HMCN1: variants seen among roughly 807,000 people sequenced by gnomAD.
The protein encoded by HMCN1 is hemicentin-1.
Under a neutral mutation model 625.9 loss-of-function variants are expected in HMCN1, and 321 were observed. That is an observed-to-expected ratio of 0.51 (90% confidence interval 0.47 to 0.56). The LOEUF (loss-of-function observed/expected upper bound fraction) is 0.56, where lower values mean the gene tolerates loss of function less well. Among genes scored for constraint, HMCN1 ranks in the 20% least tolerant of loss-of-function variants. The pLI, the probability that HMCN1 is intolerant of heterozygous loss-of-function variation, is 0.00. For synonymous variants in HMCN1, 2,425 were observed against 2,417.6 expected (o/e 1.00, Z -0.09); for missense variants, 6,588 against 6,887.3 (o/e 0.96, Z 1.54).
chr1:186,085,531 C>T lies in HMCN1; in HGVS notation c.8885-715C>T, dbSNP rs960127047. Among the ~76,000 whole-genome samples the T allele has an allele frequency of 3.3e-5, 5 of 152,074 alleles. No individual in the cohort carries two copies. The East Asian group carries it at 9.7e-4, about 29-fold the overall frequency. ...TTAAAGGCCTCATCTTCAAATACAG[C>T]CACACTGGGACTTAGGGCTTCAACA... On this transcript the variant is annotated intron_variant, in intron 57 of 106. Coordinates refer to ENST00000271588, the MANE Select transcript of HMCN1 (RefSeq NM_031935.3).
At chr1:186,088,393 A>G in intron 62 of HMCN1, 117 bp downstream of exon 62, 2 of 1,504,534 alleles carry the variant, frequency 1.3e-6, no homozygotes, top group South Asian at 1.1e-5. Flanking sequence ...TTAGTTCAAG[A>G]AGGCTAACGC....
intron 102 of HMCN1, 115 bp downstream of exon 102, chr1:186,172,246 T>C: frequency 7.0e-7 from 1 of 1,434,926 alleles, no homozygotes; most frequent in Non-Finnish European, 9.8e-7. Flanking sequence ...GAAATCTTTC[T>C]TTTTCCATAA....
At chr1:186,022,938 T>C (rs1476318113) in intron 35 of HMCN1, 92 bp from the exon 36 acceptor site, 11 of 1,280,630 alleles carry the variant, frequency 8.6e-6, no homozygotes, top group Non-Finnish European at 1.2e-5. Flanking sequence ...TGTTAGATAT[T>C]ATAAATTTAA....
At chr1:186,114,484 C>T (rs1258566336) in intron 73 of HMCN1, among the ~76,000 whole-genome samples, 1 of 152,112 alleles carries the variant, frequency 6.6e-6, no homozygotes, top group Non-Finnish European at 1.5e-5. Context: ...GTCTCGAACT[C>T]CTGACCTCAG....
chr1:186,162,491 G>C (rs1292232854), intron 97 of HMCN1, among the ~76,000 whole-genome samples: 1 of 151,964 alleles, frequency 6.6e-6, no homozygotes, highest in Non-Finnish European at 1.5e-5. Flanking sequence ...GAGGTGCTCT[G>C]CTTTTTAGAG....
intron 36 of HMCN1, among the ~76,000 whole-genome samples, chr1:186,028,725 ATTTTTTT>A (rs11415987): frequency 7.3e-6 from 1 of 137,760 alleles, no homozygotes; most frequent in Non-Finnish European, 1.6e-5. Context: ...TCTAAAGCAT[ATTTTTTT>A]TTTTTTTTTT....
intron 1 of HMCN1, among the ~76,000 whole-genome samples, chr1:185,793,706 AT>A (rs1557973597): frequency 6.6e-6 from 1 of 152,294 alleles, no homozygotes; most frequent in Admixed American, 6.5e-5. Flanking sequence ...ATTTAAATTC[AT>A]TTTTTTAAAA....
chr1:185,930,848 C>T (rs1667507588), intron 10 of HMCN1, among the ~76,000 whole-genome samples: 1 of 151,260 alleles, frequency 6.6e-6, no homozygotes, highest in Admixed American at 6.6e-5. Context: ...TAGTTTGATA[C>T]TAAGTTATAT....
intron 1 of HMCN1, among the ~76,000 whole-genome samples, chr1:185,823,324 T>A (rs1362362000): frequency 6.6e-6 from 1 of 152,198 alleles, no homozygotes; most frequent in Non-Finnish European, 1.5e-5. Context: ...AATATTTATA[T>A]GCTGATATTT....
At chr1:185,827,121 G>A (rs1294150016) in intron 1 of HMCN1, among the ~76,000 whole-genome samples, 8 of 143,592 alleles carry the variant, frequency 5.6e-5, no homozygotes, top group South Asian at 4.4e-4. Flanking sequence ...GCAGTGAGCC[G>A]AGATCATGCC....
chr1:186,158,054 C>T (rs1168611987), intron 97 of HMCN1, among the ~76,000 whole-genome samples: 2 of 148,644 alleles, frequency 1.3e-5, no homozygotes, highest in African/African-American at 4.9e-5. Context: ...TACAGTCCCA[C>T]CAACAGTGTA....
intron 89 of HMCN1, among the ~76,000 whole-genome samples, chr1:186,139,078 A>G (rs1649797309): frequency 6.6e-6 from 1 of 152,236 alleles, no homozygotes; most frequent in Non-Finnish European, 1.5e-5. Flanking sequence ...ATGATCAGAA[A>G]AAGAAATAAT....
chr1:185,967,588 G>C (rs549055623), intron 14 of HMCN1, among the ~76,000 whole-genome samples: 1 of 152,006 alleles, frequency 6.6e-6, no homozygotes, highest in Non-Finnish European at 1.5e-5. Flanking sequence ...CCAAGTTACA[G>C]GCAGACAATT....
intron 1 of HMCN1, among the ~76,000 whole-genome samples, chr1:185,827,040 G>C (rs959667578): frequency 6.6e-6 from 1 of 151,748 alleles, no homozygotes; most frequent in South Asian, 2.1e-4. Context: ...GCTGGGCGTG[G>C]TAGCGCCTGT....
intron 68 of HMCN1, among the ~76,000 whole-genome samples, chr1:186,097,494 T>C (rs1335866319): frequency 2.1e-5 from 2 of 95,286 alleles, no homozygotes; most frequent in African/African-American, 6.1e-5. Context: ...TGAGGTACAA[T>C]AGCTATCAAA....
At chr1:186,034,017 A>G (rs1016485307) in intron 36 of HMCN1, among the ~76,000 whole-genome samples, 9 of 152,350 alleles carry the variant, frequency 5.9e-5, no homozygotes, top group Middle Eastern at 3.4e-3. Context: ...ATAAAGGGGA[A>G]TTAAGGTTGT....
chr1:185,777,021 C>T (rs1656662318), intron 1 of HMCN1, among the ~76,000 whole-genome samples: 1 of 152,188 alleles, frequency 6.6e-6, no homozygotes, highest in African/African-American at 2.4e-5. Flanking sequence ...ACTCTTATGA[C>T]TTACTGTTCA....
chr1:185,963,671 C>A, intron 12 of HMCN1, 97 bp from the exon 13 acceptor site: 1 of 945,078 alleles, frequency 1.1e-6, no homozygotes, highest in Non-Finnish European at 1.7e-6. Flanking sequence ...TATAACTCTA[C>A]AACGTTTGAA....
intron 4 of HMCN1, among the ~76,000 whole-genome samples, chr1:185,889,463 T>C (rs1664900906): frequency 6.9e-6 from 1 of 145,630 alleles, no homozygotes; most frequent in African/African-American, 2.8e-5. Flanking sequence ...AGATAGCTCT[T>C]ATTATTTTGA....
Sources: gnomAD v4.1 joint callset for allele counts (sites outside exome capture counted in the v4.1 genomes callset) on GRCh38, gnomAD v4.1.1 for gene constraint, MANE v1.5 for transcripts, NCBI Gene and HGNC (gene_info 2026-07-23, HGNC 2026-07-21) for gene names.